The following DNAH17 variants were observed in gnomAD, a reference collection of about 807,000 sequenced individuals.
The protein encoded by DNAH17 is axonemal beta dynein heavy chain 17.
DNAH17 carries 376 observed loss-of-function variants against 485.6 expected under a neutral mutation model. The observed-to-expected ratio is 0.77, with a 90% CI of 0.71 to 0.84. The LOEUF is 0.84. DNAH17 is among the 40% of genes least tolerant of loss of function. The pLI is 0.00. For missense variants in DNAH17, 6,370 were observed against 5,839.3 expected, an observed-to-expected ratio of 1.09 and a Z score of -2.96; for synonymous variants, 3,031 against 2,405.9, an observed-to-expected ratio of 1.26 and a Z score of -7.60.
intron 1 of DNAH17, among the ~76,000 whole-genome samples, chr17:78,576,726 T>G (rs1258135983): frequency 6.6e-6 from 1 of 152,194 alleles, no homozygotes; most frequent in African/African-American, 2.4e-5. Context: ...GTTTACTGAT[T>G]TTGTGGATTT....
In DNAH17 at chr17:78,437,739, T is replaced by C. The variant is rs1174038568; in HGVS notation, c.11935A>G (p.Ile3979Val). The C allele has an allele frequency of 6.2e-7, 1 of 1,612,406 alleles. No homozygotes were observed. The highest frequency in any genetic ancestry group is 8.5e-7 in the Non-Finnish European group (1 of 1,179,706). ...GCGTTCTCCAGAATGCCCTGGGGGATGATGTGGGTCTCGGGGCTGGGGGCA... is the reference window on the plus strand; with the variant it reads ...GCGTTCTCCAGAATGCCCTGGGGGACGATGTGGGTCTCGGGGCTGGGGGCA... Reference protein sequence around the residue: ...EPAPSPETHIIPQGILENAIK... With the variant: ...EPAPSPETHIVPQGILENAIK... Residue 3979 changes from isoleucine to valine, a missense_variant, in exon 74 of 81, where the codon ATC becomes GTC. By Grantham distance (29) the Ile-to-Val change is conservative. Transcript: ENST00000389840.
At chr17:78,458,431 A>C (rs1438959016) in intron 62 of DNAH17, 134 bp downstream of exon 62, 1 of 709,398 alleles carries the variant, frequency 1.4e-6, no homozygotes, top group East Asian at 2.5e-5. Context: ...AATTACTTTG[A>C]GCTCAAGAAG....
At chr17:78,452,698 A>G (rs940102822) in intron 65 of DNAH17, among the ~76,000 whole-genome samples, 8 of 152,254 alleles carry the variant, frequency 5.3e-5, no homozygotes, top group Admixed American at 1.3e-4. Flanking sequence ...AGATCGTACC[A>G]CTGGACTCCA....
At position 78,507,717 on chromosome 17, in the gene DNAH17, C is replaced by A; in HGVS notation, c.4325G>T (p.Ser1442Ile). 6.2e-7 allele frequency: 1 copy of A among 1,607,148 alleles called. No homozygotes were observed. Among genetic ancestry groups the A allele is most frequent in the South Asian group, 1.1e-5 (1 of 90,856 alleles). ...CTCCAGCGTCTCCACCAGCACCTCG[C>A]TGGACTTGAGCATCATGGTGCCTGT... Reference protein sequence around the residue: ...PRTGTMMLKSSEVLVETLEDN... With the variant: ...PRTGTMMLKSIEVLVETLEDN... Residue 1442 changes from serine to isoleucine, a missense_variant, in exon 28 of 81, where the codon AGC becomes ATC. Transcript: ENST00000389840.
chr17:78,525,784 C>T (rs893919709), intron 24 of DNAH17, among the ~76,000 whole-genome samples: 1 of 152,246 alleles, frequency 6.6e-6, no homozygotes, highest in Non-Finnish European at 1.5e-5. Flanking sequence ...CCAGAAAATC[C>T]AGCCCGGGGC....
intron 75 of DNAH17, among the ~76,000 whole-genome samples, chr17:78,431,044 A>C (rs1179368281): frequency 6.9e-6 from 1 of 145,324 alleles, no homozygotes; most frequent in Non-Finnish European, 1.5e-5. Flanking sequence ...ATGCCAGACT[A>C]ATTTTTTTAT....
intron 71 of DNAH17, 25 bp downstream of exon 71, chr17:78,444,579 G>C (rs1413633401): frequency 1.3e-6 from 2 of 1,529,598 alleles, no homozygotes; most frequent in Non-Finnish European, 1.8e-6. Context: ...CGGGGGCGGG[G>C]CCCCCGGCGC....
intron 35 of DNAH17, 176 bp from the exon 36 acceptor site, chr17:78,500,637 T>G: frequency 1.9e-6 from 1 of 533,768 alleles, no homozygotes; most frequent in Non-Finnish European, 3.0e-6. Context: ...GCCTCCCAAG[T>G]AGCTGGGACT....
At chr17:78,467,333 A>G (rs1369560911) in intron 55 of DNAH17, among the ~76,000 whole-genome samples, 3 of 152,202 alleles carry the variant, frequency 2.0e-5, no homozygotes, top group Non-Finnish European at 4.4e-5. Context: ...CTTGCTCTCT[A>G]GTCCCCTTTC....
At chr17:78,438,445 G>GGAGGAGGGAGGAGGAGGAGGA in intron 73 of DNAH17, among the ~76,000 whole-genome samples, 1 of 7,596 alleles carries the variant, frequency 1.3e-4, no homozygotes, top group Middle Eastern at 0.045. Flanking sequence ...AGGAGGAGGA[G>GGAGGAGGGAGGAGGAGGAGGA]GGAGGAGGGA....
At chr17:78,510,811 G>A in intron 26 of DNAH17, 1 of 316,832 alleles carries the variant, frequency 3.2e-6, no homozygotes, top group Non-Finnish European at 6.1e-6. Context: ...TTGGAAATAG[G>A]GTCTTTGCAG....
chr17:78,453,288 C>T, intron 65 of DNAH17, 55 bp downstream of exon 65: 1 of 1,596,638 alleles, frequency 6.3e-7, no homozygotes. Flanking sequence ...CACGCCCAGG[C>T]CTCGGGCCTG....
intron 16 of DNAH17, among the ~76,000 whole-genome samples, chr17:78,547,090 G>A (rs2091783860): frequency 6.6e-6 from 1 of 152,126 alleles, no homozygotes; most frequent in Non-Finnish European, 1.5e-5. Flanking sequence ...ACTTTGGAAT[G>A]TAACCTTTTA....
intron 17 of DNAH17, among the ~76,000 whole-genome samples, chr17:78,543,092 C>G (rs938310719): frequency 6.8e-6 from 1 of 148,056 alleles, no homozygotes; most frequent in African/African-American, 2.5e-5. Context: ...AAAGATAAGG[C>G]TCGCTTGGAT....
In DNAH17 at chr17:78,491,536, G is replaced by A. The variant is rs146127777; in HGVS notation, c.6576C>T (p.Asn2192=). 22 of 1,614,036 alleles carry A rather than the reference G, an allele frequency of 1.4e-5. No homozygotes were observed. In the African/African-American group the frequency reaches 2.5e-4, roughly 19 times the overall value. The change falls in exon 43 of 81, where the codon AAC becomes AAT. Residue 2192 remains asparagine, a synonymous_variant. Coordinates refer to ENST00000389840, the MANE Select transcript of DNAH17 (RefSeq NM_173628.4). ...TCCACTTGGGGCCGTCATGGGTGATGTTGGCCAGGTCTCGCATGATGGTGG... is the reference window on the plus strand; with the variant it reads ...TCCACTTGGGGCCGTCATGGGTGATATTGGCCAGGTCTCGCATGATGGTGG... The part of the protein sequence containing the change: ...LFSTIMRDLA[N]ITHDGPKWII...
At chr17:78,546,351 G>C (rs2091763854) in intron 16 of DNAH17, among the ~76,000 whole-genome samples, 1 of 152,136 alleles carries the variant, frequency 6.6e-6, no homozygotes, top group African/African-American at 2.4e-5. Context: ...CTTGGAAGTA[G>C]CATATAACTA....
chr17:78,543,780 C>T (rs758108478), intron 17 of DNAH17, 77 bp downstream of exon 17: 9 of 1,599,808 alleles, frequency 5.6e-6, no homozygotes, highest in South Asian at 5.5e-5. Context: ...TTTATGAAAT[C>T]TCCAGCCCTG....
intron 25 of DNAH17, among the ~76,000 whole-genome samples, chr17:78,516,858 T>C (rs185025563): frequency 5.6e-4 from 85 of 152,262 alleles, no homozygotes; most frequent in Non-Finnish European, 1.0e-4. Flanking sequence ...GTAGACTTGG[T>C]ATGGTCAGCA....
rs915264710 is a variant in DNAH17 at position 78,425,398 on chromosome 17, G to A, written c.13089C>T (p.Asp4363=). ...SVEVTKKNRE[D]MTAPPREGSY... is the part of the protein sequence containing the mutation. ...AGCCCTCTCGCGGAGGAGCGGTCAT[G>A]TCCTCTCGGTTTTTCTTGGTCACCT... Residue 4363 remains aspartate, a synonymous_variant, in exon 80 of 81, where the codon GAC becomes GAT. Coordinates refer to ENST00000389840, the MANE Select transcript of DNAH17 (RefSeq NM_173628.4). 42 of 1,614,006 alleles carry A rather than the reference G, an allele frequency of 2.6e-5. No individual in the cohort carries two copies. The highest frequency in any genetic ancestry group is 3.3e-5 in the Non-Finnish European group (39 of 1,179,894).
Sources: gnomAD v4.1 joint callset for allele counts (sites outside exome capture counted in the v4.1 genomes callset) on GRCh38, gnomAD v4.1.1 for gene constraint, MANE v1.5 for transcripts, NCBI Gene and HGNC (gene_info 2026-07-23, HGNC 2026-07-21) for gene names.